The following NALF1 variants were observed in gnomAD, a reference collection of about 807,000 sequenced individuals.
The protein encoded by NALF1 is NALCN channel auxiliary factor 1, also known as family with sequence similarity 155 member A.
In NALF1, 3 loss-of-function variants were observed where a neutral mutation model predicts 48.4. That is an observed-to-expected ratio of 0.06 (90% CI 0.03 to 0.16). The LOEUF (loss-of-function observed/expected upper bound fraction) is 0.16, where lower values mean the gene tolerates loss of function less well. Ranked by LOEUF, NALF1 falls within the 10% of genes least tolerant of loss-of-function variation. NALF1 has a pLI of 1.00. For missense variants in NALF1, 526 were observed against 571.5 expected (o/e 0.92, Z 0.81); for synonymous variants, 262 against 245.7 (o/e 1.07, Z -0.62).
chr13:107,629,727 GA>G (rs1241998363), intron 1 of NALF1, among the ~76,000 whole-genome samples: 1 of 151,998 alleles, frequency 6.6e-6, no homozygotes, highest in Non-Finnish European at 1.5e-5. Context: ...TGCTACTTTA[GA>G]TAGATATAGA....
At chr13:107,465,415 C>T (rs1179246253) in intron 1 of NALF1, among the ~76,000 whole-genome samples, 1 of 151,872 alleles carries the variant, frequency 6.6e-6, no homozygotes, top group Non-Finnish European at 1.5e-5. Context: ...TCTTTACCCT[C>T]CTAATTTAAG....
chr13:107,195,058 CA>C (rs1879362261), intron 2 of NALF1, among the ~76,000 whole-genome samples: 1 of 152,094 alleles, frequency 6.6e-6, no homozygotes, highest in Admixed American at 6.6e-5. Flanking sequence ...TTCAAAAAGT[CA>C]AAAAACAATA....
intron 1 of NALF1, among the ~76,000 whole-genome samples, chr13:107,266,221 C>T (rs9583160): frequency 6.6e-6 from 1 of 152,204 alleles, no homozygotes; most frequent in African/African-American, 2.4e-5. Context: ...ACTCACCTGG[C>T]TAGTCCCAGG....
chr13:107,638,578 T>C (rs1416051789), intron 1 of NALF1, among the ~76,000 whole-genome samples: 1 of 152,058 alleles, frequency 6.6e-6, no homozygotes, highest in Non-Finnish European at 1.5e-5. Flanking sequence ...AGTGAGCTTA[T>C]TGCTGAATAA....
chr13:107,850,631 G>A (rs187266911), intron 1 of NALF1, among the ~76,000 whole-genome samples: 106 of 152,188 alleles, frequency 7.0e-4, no homozygotes, highest in Admixed American at 1.4e-3. Flanking sequence ...GGCCAGGCAC[G>A]GTGACTCACG....
At chr13:107,476,359 C>T (rs1447468882) in intron 1 of NALF1, among the ~76,000 whole-genome samples, 3 of 152,002 alleles carry the variant, frequency 2.0e-5, no homozygotes, top group Non-Finnish European at 2.9e-5. Context: ...TTTCCCTTAC[C>T]AAATGTCTGA....
intron 1 of NALF1, among the ~76,000 whole-genome samples, chr13:107,827,481 C>T (rs1879555229): frequency 6.6e-6 from 1 of 152,148 alleles, no homozygotes; most frequent in Admixed American, 6.5e-5. Context: ...AACAGACCCT[C>T]TCCTTGGAGC....
chr13:107,351,942 T>C (rs1330328852), intron 1 of NALF1, among the ~76,000 whole-genome samples: 2 of 152,214 alleles, frequency 1.3e-5, no homozygotes, highest in East Asian at 3.9e-4. Context: ...AGATAGGCAC[T>C]GATGCTAAAC....
chr13:107,332,149 G>A (rs1156862297), intron 1 of NALF1, among the ~76,000 whole-genome samples: 1 of 152,126 alleles, frequency 6.6e-6, no homozygotes, highest in Non-Finnish European at 1.5e-5. Context: ...GCTTTTGAAT[G>A]CATAGATTTT....
Position 107,445,740 on chromosome 13 carries a change from T to C in NALF1, c.916-234985A>G, listed in dbSNP as rs1884638377. Among the ~76,000 whole-genome samples, 3 of 152,216 alleles carry C rather than the reference T, an allele frequency of 2.0e-5. No individual in the cohort carries two copies. The South Asian group carries it at 6.2e-4, about 32-fold the overall frequency. On this transcript the variant is annotated intron_variant, in intron 1 of 2. Coordinates refer to ENST00000375915, the MANE Select transcript of NALF1 (RefSeq NM_001080396.3). ...AGCATTTAGTGTTATTTTTTCATTG[T>C]AGCCATTTTGATAGGTACATAGTGA...
intron 1 of NALF1, among the ~76,000 whole-genome samples, chr13:107,672,585 C>A (rs1046943294): frequency 6.6e-6 from 1 of 152,180 alleles, no homozygotes; most frequent in Non-Finnish European, 1.5e-5. Context: ...TTATAGCTAA[C>A]ATAACCCTTA....
intron 1 of NALF1, among the ~76,000 whole-genome samples, chr13:107,569,988 T>G (rs79169857): frequency 0.093 from 14,141 of 152,164 alleles, 944 homozygotes; most frequent in Admixed American, 0.18. Context: ...AAAAAATCTC[T>G]GTTTCAATTT....
intron 1 of NALF1, among the ~76,000 whole-genome samples, chr13:107,829,143 G>A (rs1291932668): frequency 6.6e-6 from 1 of 152,164 alleles, no homozygotes; most frequent in East Asian, 1.9e-4. Flanking sequence ...AAATACCAGA[G>A]AGATCACCCA....
chr13:107,505,152 G>T (rs1875654400), intron 1 of NALF1, among the ~76,000 whole-genome samples: 3 of 152,220 alleles, frequency 2.0e-5, no homozygotes, highest in African/African-American at 7.2e-5. Flanking sequence ...CAGGAGAAGT[G>T]GCTGGGGTGA....
At chr13:107,613,284 A>G (rs539074592) in intron 1 of NALF1, among the ~76,000 whole-genome samples, 73 of 152,354 alleles carry the variant, frequency 4.8e-4, no homozygotes, top group African/African-American at 1.4e-3. Flanking sequence ...ATGTCATTCC[A>G]TCTTTTCTTA....
intron 1 of NALF1, among the ~76,000 whole-genome samples, chr13:107,224,399 C>A (rs1208381632): frequency 1.3e-5 from 2 of 149,454 alleles, no homozygotes; most frequent in Non-Finnish European, 3.0e-5. Context: ...ACAAATGATA[C>A]CTCCATTTTT....
At chr13:107,350,062 A>C (rs1882844990) in intron 1 of NALF1, among the ~76,000 whole-genome samples, 1 of 152,092 alleles carries the variant, frequency 6.6e-6, no homozygotes. Flanking sequence ...ATGAAAATCC[A>C]ATGTAGCCAC....
chr13:107,238,299 G>A (rs1200041239), intron 1 of NALF1, among the ~76,000 whole-genome samples: 4 of 152,154 alleles, frequency 2.6e-5, no homozygotes, highest in Non-Finnish European at 5.9e-5. Context: ...CTTCCTCTCA[G>A]AATTAGAGGA....
intron 1 of NALF1, among the ~76,000 whole-genome samples, chr13:107,745,814 C>T (rs1432309646): frequency 2.6e-5 from 4 of 152,128 alleles, no homozygotes; most frequent in Non-Finnish European, 5.9e-5. Context: ...TGAGTGAGTT[C>T]TCATGAGATC....
Sources: gnomAD v4.1 joint callset for allele counts (sites outside exome capture counted in the v4.1 genomes callset) on GRCh38, gnomAD v4.1.1 for gene constraint, MANE v1.5 for transcripts, NCBI Gene and HGNC (gene_info 2026-07-23, HGNC 2026-07-21) for gene names.